FMN1: variants seen among roughly 807,000 people sequenced by gnomAD.
FMN1 encodes formin-1.
A neutral mutation model predicts 132.4 loss-of-function variants in FMN1; 110 were observed. The observed-to-expected ratio is 0.83, with a 90% confidence interval of 0.71 to 0.97. FMN1 has a LOEUF of 0.97. FMN1 is among the 50% of genes least tolerant of loss of function. FMN1 has a pLI of 0.00. For missense variants in FMN1, 1,792 were observed against 1,705.3 expected, an observed-to-expected ratio of 1.05 and a Z score of -0.90; for synonymous variants, 722 against 651.7, an observed-to-expected ratio of 1.11 and a Z score of -1.64.
At chr15:32,877,529 G>T (rs1455592655) in intron 16 of FMN1, among the ~76,000 whole-genome samples, 1 of 152,160 alleles carries the variant, frequency 6.6e-6, no homozygotes, top group Non-Finnish European at 1.5e-5. Context: ...TGAACAAGGA[G>T]AATTATAGAA....
At chr15:32,837,842 G>A (rs1156867524) in intron 17 of FMN1, among the ~76,000 whole-genome samples, 1 of 152,224 alleles carries the variant, frequency 6.6e-6, no homozygotes, top group East Asian at 1.9e-4. Flanking sequence ...TGGTCACAGA[G>A]AATGGGATGT....
intron 3 of FMN1, among the ~76,000 whole-genome samples, chr15:33,156,775 C>T (rs1026833397): frequency 1.7e-4 from 26 of 152,082 alleles, no homozygotes; most frequent in African/African-American, 6.3e-4. Context: ...TGTCAATATC[C>T]GCTGAGCACT....
chr15:33,066,818 G>C (rs747597890), intron 5 of FMN1: 8 of 1,613,970 alleles, frequency 5.0e-6, no homozygotes, highest in African/African-American at 2.7e-5. Flanking sequence ...CTTCGGTTCA[G>C]TTTTGGGCAT....
chr15:33,117,369 A>G (rs1293282839), intron 4 of FMN1, among the ~76,000 whole-genome samples: 1 of 152,198 alleles, frequency 6.6e-6, no homozygotes, highest in African/African-American at 2.4e-5. Context: ...CATCGAAACC[A>G]TAGCTGCATT....
chr15:32,917,322 C>T (rs1311358829), intron 10 of FMN1, among the ~76,000 whole-genome samples: 1 of 152,136 alleles, frequency 6.6e-6, no homozygotes, highest in Non-Finnish European at 1.5e-5. Context: ...TAGGTTCCAC[C>T]TCCAATAAGC....
chr15:32,960,394 A>T (rs572644706), intron 9 of FMN1, among the ~76,000 whole-genome samples: 42 of 152,240 alleles, frequency 2.8e-4, no homozygotes, highest in African/African-American at 9.9e-4. Flanking sequence ...ATTTGACATG[A>T]TATTTGGGTG....
intron 6 of FMN1, among the ~76,000 whole-genome samples, chr15:33,024,827 C>A (rs770483923): frequency 6.6e-6 from 1 of 152,098 alleles, no homozygotes; most frequent in African/African-American, 2.4e-5. Context: ...ATTTCCATCA[C>A]CAGCACTACA....
At chr15:32,865,188 T>C (rs1214850665) in intron 16 of FMN1, among the ~76,000 whole-genome samples, 1 of 152,162 alleles carries the variant, frequency 6.6e-6, no homozygotes, top group Non-Finnish European at 1.5e-5. Flanking sequence ...AAAAAATTGA[T>C]TGTGGCAATG....
chr15:32,997,298 T>G (rs2033828037), intron 7 of FMN1, among the ~76,000 whole-genome samples: 1 of 150,738 alleles, frequency 6.6e-6, no homozygotes, highest in Non-Finnish European at 1.5e-5. Context: ...TTTTCTTTCC[T>G]AACACTACAG....
chr15:33,126,347 T>C (rs916759105), intron 4 of FMN1, among the ~76,000 whole-genome samples: 7 of 152,138 alleles, frequency 4.6e-5, no homozygotes, highest in Non-Finnish European at 5.9e-5. Flanking sequence ...AGAAGGTCAC[T>C]GTGGGCAGGC....
At chr15:32,807,967 T>G (rs2057740122) in intron 17 of FMN1, among the ~76,000 whole-genome samples, 1 of 152,214 alleles carries the variant, frequency 6.6e-6, no homozygotes, top group South Asian at 2.1e-4. Context: ...TTACACATTT[T>G]AAGTCTTCAA....
At position 32,771,088 on chromosome 15, in the gene FMN1, CT is replaced by C. The variant is rs35863528; in HGVS notation, c.*3221del. On this transcript the variant is annotated 3_prime_UTR_variant, in exon 21 of 21. Transcript: ENST00000616417. ...TTTTTGATACTTCATGGGCCTGATG[CT>C]TTTTTTTTTGAAACGGAGTCTCACT... is the stretch of plus-strand genomic sequence containing the variant. 15 of 147,204 alleles carry C rather than the reference CT, an allele frequency of 1.0e-4. No homozygotes were observed. The highest frequency in any genetic ancestry group is 2.2e-4 in the South Asian group (1 of 4,636). 9.1% of individuals were successfully genotyped at this position (147,204 alleles called of 1,614,324 possible). A position where few individuals can be genotyped will look rare whatever the true frequency, so the allele number is the denominator to read the frequency against.
chr15:32,995,820 G>T (rs74526889), intron 7 of FMN1, among the ~76,000 whole-genome samples: 1 of 152,162 alleles, frequency 6.6e-6, no homozygotes, highest in Admixed American at 6.5e-5. Context: ...CTCTTAGGCT[G>T]CTTATACATA....
intron 17 of FMN1, among the ~76,000 whole-genome samples, chr15:32,836,520 A>T (rs145097357): frequency 1.8e-4 from 28 of 152,284 alleles, no homozygotes; most frequent in Non-Finnish European, 1.5e-4. Flanking sequence ...TCTCAGTACT[A>T]CAAATGCCCG....
At chr15:33,086,161 G>A (rs191811667) in intron 5 of FMN1, among the ~76,000 whole-genome samples, 3 of 151,362 alleles carry the variant, frequency 2.0e-5, no homozygotes, top group Non-Finnish European at 2.9e-5. Flanking sequence ...TGAGGCAGGA[G>A]AATCGCTTAA....
chr15:33,018,139 T>C (rs62001491), intron 6 of FMN1, among the ~76,000 whole-genome samples: 21,538 of 151,932 alleles, frequency 0.14, 1,716 homozygotes, highest in Middle Eastern at 0.24. Flanking sequence ...GATGGAGCCT[T>C]TGGGAGGTGA....
intron 4 of FMN1, among the ~76,000 whole-genome samples, chr15:33,109,493 G>A (rs1471860974): frequency 6.6e-6 from 1 of 152,026 alleles, no homozygotes; most frequent in African/African-American, 2.4e-5. Context: ...ATAACACCAT[G>A]GAATACTACA....
At chr15:32,916,133 T>C (rs149293116) in intron 10 of FMN1, among the ~76,000 whole-genome samples, 3 of 152,156 alleles carry the variant, frequency 2.0e-5, no homozygotes. Flanking sequence ...TATCACAAAT[T>C]CAAACTAACA....
At chr15:33,082,068 G>A (rs1022274784) in intron 5 of FMN1, among the ~76,000 whole-genome samples, 6 of 125,854 alleles carry the variant, frequency 4.8e-5, no homozygotes, top group Admixed American at 3.1e-4. Context: ...ACGGAGTCTC[G>A]CTTTGTCACC....
Sources: allele counts gnomAD v4.1 joint callset (sites outside exome capture counted in the v4.1 genomes callset), GRCh38; gene constraint gnomAD v4.1.1; transcripts MANE v1.5; gene names NCBI Gene and HGNC (gene_info 2026-07-23, HGNC 2026-07-21).